Variants in GEMIN2 observed in about 807,000 individuals in gnomAD.
The protein encoded by GEMIN2 is gem-associated protein 2.
In GEMIN2, 37 loss-of-function variants were observed where a neutral mutation model predicts 45.8. That is an observed-to-expected ratio of 0.81 (90% confidence interval 0.62 to 1.06). The LOEUF (loss-of-function observed/expected upper bound fraction) is 1.06, where lower values mean the gene tolerates loss of function less well. Among genes scored for constraint, GEMIN2 ranks in the 50% least tolerant of loss-of-function variants. The pLI is 0.00. For synonymous variants in GEMIN2, 101 were observed against 111.5 expected, an observed-to-expected ratio of 0.91 and a Z score of 0.60; for missense variants, 335 against 321.8, an observed-to-expected ratio of 1.04 and a Z score of -0.31.
At chr14:39,135,643 G>A (rs1254929416) in intron 9 of GEMIN2, among the ~76,000 whole-genome samples, 1 of 151,984 alleles carries the variant, frequency 6.6e-6, no homozygotes, top group African/African-American at 2.4e-5. Flanking sequence ...ACTCACACCT[G>A]TAAGCCCAGT....
intron 4 of GEMIN2, among the ~76,000 whole-genome samples, chr14:39,119,025 C>T (rs543285583): frequency 1.3e-5 from 2 of 152,128 alleles, no homozygotes; most frequent in East Asian, 3.9e-4. Flanking sequence ...ATCCTCCTGC[C>T]CTAGCCTCCC....
At chr14:39,120,224 T>C (rs2052557981) in intron 4 of GEMIN2, among the ~76,000 whole-genome samples, 1 of 152,140 alleles carries the variant, frequency 6.6e-6, no homozygotes, top group Non-Finnish European at 1.5e-5. Context: ...ATCATATAAG[T>C]AATAAAATGA....
In GEMIN2 at chr14:39,133,687, T is replaced by G; in HGVS notation, c.738T>G (p.Pro246=). The G allele has an allele frequency of 6.5e-7, 1 of 1,541,552 alleles. No homozygotes were observed. Among genetic ancestry groups the G allele is most frequent in the Non-Finnish European group, 8.8e-7 (1 of 1,136,248 alleles). Residue 246 remains proline, a synonymous_variant, in exon 9 of 10, where the codon CCT becomes CCG. Coordinates refer to ENST00000308317, the MANE Select transcript of GEMIN2 (RefSeq NM_003616.3). ...ATAGCAAAGATGATGAGAGGGTTCC[T>G]GCTTTGAATTTATTAATCTGCTTGG... ...LVDSKDDERV[P]ALNLLICLVS...
At chr14:39,131,425 T>G (rs973287400) in intron 7 of GEMIN2, among the ~76,000 whole-genome samples, 5 of 152,230 alleles carry the variant, frequency 3.3e-5, no homozygotes, top group Non-Finnish European at 2.9e-5. Context: ...ACAGTTTTTC[T>G]GCATCAAATA....
chr14:39,115,750 CG>C (rs2052496743), intron 2 of GEMIN2, among the ~76,000 whole-genome samples: 1 of 151,930 alleles, frequency 6.6e-6, no homozygotes, highest in Admixed American at 6.6e-5. Flanking sequence ...CCACCATACC[CG>C]GCCTTACACT....
rs144104501 is a variant in GEMIN2, at chr14:39,124,868, A to C, written c.487-124A>C. On this transcript the variant is annotated intron_variant, in intron 5 of 9. Transcript: ENST00000308317. ...ATGTCTCATTGTTATGGACAATGAA[A>C]GAATTTTCTTTTATTTGTTCTTTGT... 3.7e-3 allele frequency: 2,344 copies of C among 637,252 alleles called. 38 individuals carry two copies. The highest frequency in any genetic ancestry group is 0.035 in the African/African-American group (1,942 of 55,454). 39.5% of individuals were successfully genotyped at this position (637,252 alleles called of 1,614,324 possible).
chr14:39,120,921 T>C (rs766140447), intron 4 of GEMIN2, among the ~76,000 whole-genome samples: 3 of 152,240 alleles, frequency 2.0e-5, no homozygotes, highest in Non-Finnish European at 4.4e-5. Context: ...AATGCACCTA[T>C]GCAAAGTAAT....
chr14:39,115,582 G>A (rs1010166306), intron 2 of GEMIN2, among the ~76,000 whole-genome samples: 1 of 149,034 alleles, frequency 6.7e-6, no homozygotes, highest in African/African-American at 2.5e-5. Context: ...TCAGCCTCCC[G>A]AGTAGCTGGG....
At chr14:39,127,336 GTT>G (rs760931815) in intron 6 of GEMIN2, among the ~76,000 whole-genome samples, 4 of 56,066 alleles carry the variant, frequency 7.1e-5, no homozygotes, top group African/African-American at 2.7e-4. Context: ...GTGTGCCATT[GTT>G]TTTTTTTTTT....
chr14:39,123,709 T>TATATATATA (rs60209051), intron 5 of GEMIN2, among the ~76,000 whole-genome samples: 3 of 28,984 alleles, frequency 1.0e-4, no homozygotes, highest in African/African-American at 5.1e-4. Flanking sequence ...TATATATATA[T>TATATATATA]TTTTTTTTTT....
intron 9 of GEMIN2, among the ~76,000 whole-genome samples, chr14:39,135,590 AAAAAAAG>A (rs1394411076): frequency 5.3e-5 from 8 of 151,984 alleles, no homozygotes; most frequent in Admixed American, 2.6e-4. Context: ...CCATCTCAAA[AAAAAAAG>A]AAAAAAGAAA....
chr14:39,123,999 TC>T (rs150453342), intron 5 of GEMIN2, among the ~76,000 whole-genome samples: 20,052 of 151,810 alleles, frequency 0.13, 1,380 homozygotes, highest in Admixed American at 0.17. Context: ...GCTCAGGCAA[TC>T]CTCCTGCTGG....
chr14:39,115,775 G>A (rs1171739970), intron 2 of GEMIN2, among the ~76,000 whole-genome samples: 5 of 151,868 alleles, frequency 3.3e-5, no homozygotes, highest in Non-Finnish European at 7.4e-5. Flanking sequence ...ATAGCTACTT[G>A]CACACTCTGG....
At chr14:39,121,421 C>A (rs2052571464) in intron 4 of GEMIN2, among the ~76,000 whole-genome samples, 1 of 152,160 alleles carries the variant, frequency 6.6e-6, no homozygotes, top group Non-Finnish European at 1.5e-5. Flanking sequence ...GTAGTCCCAG[C>A]TACTCAAGAG....
At chr14:39,120,864 T>G (rs1229922657) in intron 4 of GEMIN2, among the ~76,000 whole-genome samples, 5 of 152,114 alleles carry the variant, frequency 3.3e-5, no homozygotes, top group Non-Finnish European at 1.5e-5. Flanking sequence ...TGACCTCAGG[T>G]GATTCATCCT....
intron 9 of GEMIN2, among the ~76,000 whole-genome samples, chr14:39,135,199 T>A (rs2052767390): frequency 6.6e-6 from 1 of 152,138 alleles, no homozygotes; most frequent in South Asian, 2.1e-4. Flanking sequence ...TTTTTTGCCC[T>A]CAAAAAGTTA....
Position 39,136,434 on chromosome 14 carries a change from T to TA in GEMIN2, c.771-5dup, listed in dbSNP as rs2052782518. On this transcript the variant is annotated splice_region_variant and splice_polypyrimidine_tract_variant and intron_variant, in intron 9 of 9. Transcript: ENST00000308317. ...ATACATAAATTTTTTGTTTTTTTTT[T>TA]ACTAGGTATTTTGACCAACGTGATT... is the stretch of plus-strand genomic sequence containing the variant. 6.9e-7 allele frequency: 1 copy of TA among 1,458,310 alleles called. No individual in the cohort carries two copies. 90.3% of individuals were successfully genotyped at this position (1,458,310 alleles called of 1,614,324 possible).
Position 39,118,610 on chromosome 14 carries a change from T to G in GEMIN2, c.372+11T>G. 2 of 1,282,214 alleles carry G rather than the reference T, an allele frequency of 1.6e-6. No homozygotes were observed. The highest frequency in any genetic ancestry group is 2.3e-6 in the Non-Finnish European group (2 of 877,672). 79.4% of individuals were successfully genotyped at this position (1,282,214 alleles called of 1,614,324 possible). On this transcript the variant is annotated intron_variant, in intron 4 of 9. Transcript: ENST00000308317. ...AGTAATGTGACAATGGTATGTAAGT[T>G]TCTCAGTTTTAAGATGTACAATGTA...
At position 39,117,991 on chromosome 14, in the gene GEMIN2, A is replaced by G. The variant is rs113389438; in HGVS notation, c.223-8A>G. On this transcript the variant is annotated splice_polypyrimidine_tract_variant and splice_region_variant and intron_variant, in intron 2 of 9. Coordinates refer to ENST00000308317, the MANE Select transcript of GEMIN2 (RefSeq NM_003616.3). Reference sequence around the variant, plus strand: ...GTTGATCCTAATATTTGTGAACTTGATCTCTAGCTTTCAGGATGCCAACCC... The same window carrying G: ...GTTGATCCTAATATTTGTGAACTTGGTCTCTAGCTTTCAGGATGCCAACCC... The G allele has an allele frequency of 5.2e-6, 8 of 1,530,248 alleles. No homozygotes were observed. The African/African-American group carries it at 5.5e-5, about 10-fold the overall frequency. 94.8% of individuals were successfully genotyped at this position (1,530,248 alleles called of 1,614,324 possible).
Sources: gnomAD v4.1 joint callset for allele counts (sites outside exome capture counted in the v4.1 genomes callset) on GRCh38, gnomAD v4.1.1 for gene constraint, MANE v1.5 for transcripts, NCBI Gene and HGNC (gene_info 2026-07-23, HGNC 2026-07-21) for gene names.